Variants in WDR19 observed in about 807,000 individuals in gnomAD.
WDR19 encodes the protein WD repeat domain 19, also known as WD repeat-containing protein 19.
Under a neutral mutation model 180.0 loss-of-function variants are expected in WDR19, and 121 were observed. The ratio of observed to expected loss-of-function variants is 0.67; its 90% CI spans 0.58 to 0.78. WDR19 has a LOEUF of 0.78. Ranked by LOEUF, WDR19 falls within the 30% of genes least tolerant of loss-of-function variation. The pLI is 0.00. For synonymous variants in WDR19, 497 were observed against 540.7 expected, an observed-to-expected ratio of 0.92 and a Z score of 1.12; for missense variants, 1,450 against 1,640.7, an observed-to-expected ratio of 0.88 and a Z score of 2.01.
At position 39,204,797 on chromosome 4, in the gene WDR19, A is replaced by G. The variant is rs1727776162; in HGVS notation, c.604-357A>G. Among the ~76,000 whole-genome samples the G allele has an allele frequency of 3.3e-5, 5 of 152,242 alleles. No individual in the cohort carries two copies. The South Asian group carries it at 1.0e-3, about 32-fold the overall frequency. On this transcript the variant is annotated intron_variant, in intron 7 of 36. Transcript: ENST00000399820. ...TGGCTCAAGAGCAGAACAGCCTCTT[A>G]GAGTGGAAGAGTCTTTATAATCTAA...
Position 39,182,572 on chromosome 4 carries a change from C to T in WDR19, c.6+9C>T, listed in dbSNP as rs953253544. On this transcript the variant is annotated intron_variant, in intron 1 of 36. Transcript: ENST00000399820. ...CGAGCGTGGAGATGAAGGTAAATAA[C>T]TTACAAATTCCCGGGGTGGGGCGGG... 51 of 1,613,640 alleles carry T rather than the reference C, an allele frequency of 3.2e-5. No homozygotes were observed. Among genetic ancestry groups the T allele is most frequent in the South Asian group, 4.4e-5 (4 of 91,064 alleles).
intron 24 of WDR19, among the ~76,000 whole-genome samples, chr4:39,252,237 T>C (rs1560539923): frequency 6.6e-6 from 1 of 151,398 alleles, no homozygotes; most frequent in Non-Finnish European, 1.5e-5. Flanking sequence ...AAACCATCAT[T>C]CTCAGCAAAC....
intron 29 of WDR19, among the ~76,000 whole-genome samples, chr4:39,267,156 A>C (rs1488895542): frequency 6.6e-6 from 1 of 152,220 alleles, no homozygotes; most frequent in Non-Finnish European, 1.5e-5. Flanking sequence ...CTTCCTACAG[A>C]ACGTCCATCT....
chr4:39,186,442 G>A (rs1223111037), intron 2 of WDR19, 97 bp from the exon 3 acceptor site: 5 of 844,598 alleles, frequency 5.9e-6, no homozygotes, highest in Non-Finnish European at 8.2e-6. Context: ...TCACACCACT[G>A]CACTCCAGCC....
At chr4:39,243,965 A>G (rs533887540) in intron 21 of WDR19, among the ~76,000 whole-genome samples, 6 of 152,288 alleles carry the variant, frequency 3.9e-5, no homozygotes, top group South Asian at 2.1e-4. Flanking sequence ...ATTACTTTTT[A>G]TATTAAATTT....
Position 39,202,805 on chromosome 4 carries a change from T to C in WDR19, c.523-837T>C, listed in dbSNP as rs183635980. The stretch of plus-strand genomic sequence containing the variant: ...ATAATTTCTCTCTCTGATAATTCTA[T>C]TATTTTTATATCTGCTAACTCCTTC... On this transcript the variant is annotated intron_variant, in intron 6 of 36. Coordinates refer to ENST00000399820, the MANE Select transcript of WDR19 (RefSeq NM_025132.4). Among the ~76,000 whole-genome samples the C allele has an allele frequency of 1.6e-4, 24 of 152,230 alleles. 1 individual carries two copies. In the East Asian group the frequency reaches 4.0e-3, roughly 26 times the overall value.
At chr4:39,240,465 C>T (rs1178706406) in intron 21 of WDR19, 131 bp downstream of exon 21, 1 of 411,784 alleles carries the variant, frequency 2.4e-6, no homozygotes, top group African/African-American at 2.1e-5. Context: ...GGTTTACTAA[C>T]AACCTTGCAA....
intron 36 of WDR19, among the ~76,000 whole-genome samples, chr4:39,282,430 T>C (rs1223995226): frequency 6.6e-6 from 1 of 152,194 alleles, no homozygotes; most frequent in Non-Finnish European, 1.5e-5. Context: ...GGAGTTTCAC[T>C]CTTGTCGCCC....
chr4:39,242,132 TC>T (rs1211310316), intron 21 of WDR19, among the ~76,000 whole-genome samples: 1 of 152,112 alleles, frequency 6.6e-6, no homozygotes, highest in Non-Finnish European at 1.5e-5. Context: ...AGTGGAAGAA[TC>T]AGCTCACTGC....
intron 9 of WDR19, among the ~76,000 whole-genome samples, chr4:39,207,015 C>G (rs1728028879): frequency 6.6e-6 from 1 of 152,082 alleles, no homozygotes; most frequent in African/African-American, 2.4e-5. Flanking sequence ...TTAACTCGCT[C>G]AGGAAATAAC....
intron 33 of WDR19, 103 bp downstream of exon 33, chr4:39,275,061 C>G: frequency 7.1e-7 from 1 of 1,412,596 alleles, no homozygotes; most frequent in South Asian, 1.2e-5. Flanking sequence ...GGTGGGGGGC[C>G]AGGTGCAGTG....
chr4:39,231,644 G>T (rs1380158779), intron 17 of WDR19, among the ~76,000 whole-genome samples, 153 bp from the exon 18 acceptor site: 3 of 152,188 alleles, frequency 2.0e-5, no homozygotes, highest in African/African-American at 7.2e-5. Flanking sequence ...GAAAGCTTAA[G>T]TGTTTTTTCA....
At chr4:39,234,665 CA>C (rs1731197888) in intron 19 of WDR19, 100 bp from the exon 20 acceptor site, 5 of 748,866 alleles carry the variant, frequency 6.7e-6, no homozygotes, top group South Asian at 6.1e-5. Context: ...ATTATTTAAA[CA>C]AAAAGGTTTT....
intron 30 of WDR19, among the ~76,000 whole-genome samples, chr4:39,268,989 G>C (rs1560558572): frequency 6.6e-6 from 1 of 152,146 alleles, no homozygotes; most frequent in African/African-American, 2.4e-5. Context: ...CCTGAGTTTT[G>C]AAAGGATGGG....
intron 20 of WDR19, among the ~76,000 whole-genome samples, chr4:39,236,161 A>G (rs1731352419): frequency 6.6e-6 from 1 of 152,180 alleles, no homozygotes; most frequent in Admixed American, 6.6e-5. Context: ...AGAAATCATT[A>G]TATCAAAAAG....
In WDR19 at chr4:39,244,349, C is replaced by T. The variant is rs914609619; in HGVS notation, c.2523C>T (p.Val841=). 1 of 1,613,790 alleles carries T rather than the reference C, an allele frequency of 6.2e-7. No homozygotes were observed. Among genetic ancestry groups the T allele is most frequent in the Non-Finnish European group, 8.5e-7 (1 of 1,179,858 alleles). Residue 841 remains valine, a synonymous_variant, in exon 22 of 37, where the codon GTC becomes GTT. Coordinates refer to ENST00000399820, the MANE Select transcript of WDR19 (RefSeq NM_025132.4). ...VNQALKHPSR[V]LKRDCGAILE... ...AAGCCCTCAAGCATCCCAGCAGGGT[C>T]CTTAAAAGAGACTGTGGAGCCATAT...
intron 28 of WDR19, among the ~76,000 whole-genome samples, chr4:39,264,921 G>GTTTTT (rs10647012): frequency 7.0e-6 from 1 of 141,990 alleles, no homozygotes; most frequent in Non-Finnish European, 1.5e-5. Context: ...TGGAGATGAC[G>GTTTTT]TTTTTTTTTT....
chr4:39,199,588 A>G lies in WDR19; in HGVS notation c.517A>G (p.Arg173Gly). The G allele has an allele frequency of 6.2e-7, 1 of 1,610,926 alleles. No homozygotes were observed. Among genetic ancestry groups the G allele is most frequent in the Non-Finnish European group, 8.5e-7 (1 of 1,177,402 alleles). Reference sequence around the variant, plus strand: ...TAGTAATCAGGAAGGTGACACGATAAGACAGGTAATACAGTAACGTCTCTT... The same window carrying G: ...TAGTAATCAGGAAGGTGACACGATAGGACAGGTAATACAGTAACGTCTCTT... ...TVSNQEGDTI[R>G]QTQVRSEPSN... Residue 173 changes from arginine (R) to glycine (G), a missense_variant, in exon 6 of 37, where the codon AGA (arginine) becomes GGA (glycine). Transcript: ENST00000399820.
At chr4:39,188,777 G>T (rs907987740) in intron 3 of WDR19, among the ~76,000 whole-genome samples, 1 of 151,654 alleles carries the variant, frequency 6.6e-6, no homozygotes, top group African/African-American at 2.4e-5. Flanking sequence ...TTGAAACAGG[G>T]TCTCTCTGTG....
Sources: allele counts gnomAD v4.1 joint callset (sites outside exome capture counted in the v4.1 genomes callset), GRCh38; gene constraint gnomAD v4.1.1; transcripts MANE v1.5; gene names NCBI Gene and HGNC (gene_info 2026-07-23, HGNC 2026-07-21).